LTBP1: variants seen among roughly 807,000 people sequenced by gnomAD.
LTBP1 encodes latent-transforming growth factor beta-binding protein 1.
A neutral mutation model predicts 207.6 loss-of-function variants in LTBP1; 129 were observed. That is an observed-to-expected ratio of 0.62 (90% confidence interval 0.54 to 0.72). The LOEUF (loss-of-function observed/expected upper bound fraction) is 0.72, where lower values mean the gene tolerates loss of function less well. LTBP1 is among the 30% of genes least tolerant of loss of function. The pLI, the probability that LTBP1 is intolerant of heterozygous loss-of-function variation, is 0.00. For missense variants in LTBP1, 2,281 were observed against 2,217.2 expected (o/e 1.03, Z -0.58); for synonymous variants, 963 against 833.7 (o/e 1.16, Z -2.67).
chr2:33,167,356 A>C (rs2085007686), intron 5 of LTBP1, among the ~76,000 whole-genome samples: 2 of 151,586 alleles, frequency 1.3e-5, no homozygotes, highest in African/African-American at 4.8e-5. Context: ...CCTCATTTGT[A>C]CATTCAAAAA....
intron 4 of LTBP1, among the ~76,000 whole-genome samples, chr2:33,130,082 A>G (rs2081679019): frequency 1.3e-5 from 2 of 152,332 alleles, no homozygotes; most frequent in South Asian, 4.1e-4. Flanking sequence ...TGAACAATAA[A>G]GTCCTGTTAT....
At chr2:33,048,435 A>G (rs1011485550) in intron 3 of LTBP1, among the ~76,000 whole-genome samples, 1 of 152,256 alleles carries the variant, frequency 6.6e-6, no homozygotes, top group African/African-American at 2.4e-5. Flanking sequence ...TGGTTATTAA[A>G]GTTAAATGTT....
At chr2:33,389,742 C>T (rs902010559) in intron 32 of LTBP1, among the ~76,000 whole-genome samples, 1 of 152,146 alleles carries the variant, frequency 6.6e-6, no homozygotes, top group East Asian at 1.9e-4. Flanking sequence ...CGGATTCAAG[C>T]GATTCTGCTG....
intron 24 of LTBP1, among the ~76,000 whole-genome samples, chr2:33,322,314 C>A (rs767167867): frequency 6.6e-6 from 1 of 152,150 alleles, no homozygotes; most frequent in Non-Finnish European, 1.5e-5. Context: ...TCCACTCATG[C>A]TCTGGTGCTG....
At chr2:33,332,517 A>T (rs1406616705) in intron 24 of LTBP1, among the ~76,000 whole-genome samples, 1 of 151,696 alleles carries the variant, frequency 6.6e-6, no homozygotes, top group African/African-American at 2.4e-5. Context: ...ATATTTCTTA[A>T]TAGTTTTTAG....
chr2:33,256,467 TGA>T (rs1400659587), intron 11 of LTBP1, among the ~76,000 whole-genome samples: 1 of 151,932 alleles, frequency 6.6e-6, no homozygotes, highest in Non-Finnish European at 1.5e-5. Flanking sequence ...CTCATTTCCC[TGA>T]ATAGTGATTT....
intron 3 of LTBP1, among the ~76,000 whole-genome samples, chr2:33,078,111 C>T (rs1218816585): frequency 6.6e-6 from 1 of 152,144 alleles, no homozygotes; most frequent in Non-Finnish European, 1.5e-5. Context: ...ATTTATTTGT[C>T]ACTGATGCCT....
chr2:33,329,354 AAAC>A (rs2094467645), intron 24 of LTBP1, among the ~76,000 whole-genome samples: 1 of 152,204 alleles, frequency 6.6e-6, no homozygotes, highest in African/African-American at 2.4e-5. Flanking sequence ...GAAGTGCTCA[AAAC>A]AACTATTTTA....
At chr2:32,953,851 A>G (rs1310741412) in intron 2 of LTBP1, among the ~76,000 whole-genome samples, 3 of 152,306 alleles carry the variant, frequency 2.0e-5, no homozygotes, top group Middle Eastern at 3.4e-3. Flanking sequence ...AAATTTTCCT[A>G]AAGTGCAGAT....
chr2:32,991,174 A>G (rs1684352477), intron 2 of LTBP1, among the ~76,000 whole-genome samples: 1 of 152,194 alleles, frequency 6.6e-6, no homozygotes, highest in South Asian at 2.1e-4. Flanking sequence ...AACAGAAGAT[A>G]TGATCTTATA....
At chr2:33,199,595 A>G (rs1443067087) in intron 7 of LTBP1, among the ~76,000 whole-genome samples, 1 of 152,170 alleles carries the variant, frequency 6.6e-6, no homozygotes, top group African/African-American at 2.4e-5. Context: ...CACCATTCCT[A>G]TTCAACATAG....
intron 11 of LTBP1, among the ~76,000 whole-genome samples, chr2:33,256,980 A>G (rs191221571): frequency 4.0e-5 from 6 of 150,718 alleles, no homozygotes; most frequent in South Asian, 2.1e-4. Context: ...TATGTAAATA[A>G]TATGATATAT....
intron 2 of LTBP1, among the ~76,000 whole-genome samples, chr2:33,015,514 C>T (rs1024298072): frequency 6.6e-6 from 1 of 152,048 alleles, no homozygotes; most frequent in African/African-American, 2.4e-5. Context: ...ACTTAACTGA[C>T]CTCACAGCTT....
intron 3 of LTBP1, among the ~76,000 whole-genome samples, chr2:33,103,491 TTCA>T (rs943846991): frequency 5.9e-5 from 9 of 152,194 alleles, no homozygotes; most frequent in Admixed American, 2.0e-4. Flanking sequence ...CTTTAGTCTC[TTCA>T]TCAGCAGCCT....
chr2:33,276,064 C>G, intron 18 of LTBP1, 141 bp downstream of exon 18: 1 of 1,026,922 alleles, frequency 9.7e-7, no homozygotes, highest in Non-Finnish European at 1.3e-6. Context: ...GATTCACAGG[C>G]TCTTTGCCTC....
chr2:33,070,002 C>G (rs2077708383), intron 3 of LTBP1, among the ~76,000 whole-genome samples: 2 of 152,164 alleles, frequency 1.3e-5, no homozygotes, highest in Admixed American at 1.3e-4. Flanking sequence ...TTTTAAACTT[C>G]TTACAGTGAA....
intron 5 of LTBP1, among the ~76,000 whole-genome samples, chr2:33,155,257 G>A (rs1054129290): frequency 1.3e-5 from 2 of 152,018 alleles, no homozygotes; most frequent in Admixed American, 1.3e-4. Context: ...GAAGAGATAC[G>A]GTTTCACCAT....
intron 3 of LTBP1, among the ~76,000 whole-genome samples, chr2:33,048,773 G>C (rs1166620298): frequency 6.6e-6 from 1 of 152,144 alleles, no homozygotes. Flanking sequence ...CAGATGATAG[G>C]ATATTAAATA....
intron 2 of LTBP1, among the ~76,000 whole-genome samples, chr2:33,017,208 A>G (rs968926208): frequency 2.6e-5 from 4 of 152,240 alleles, no homozygotes; most frequent in Non-Finnish European, 5.9e-5. Context: ...CTAAAATTGC[A>G]ATAAAAATGG....
Sources: gnomAD v4.1 joint callset for allele counts (sites outside exome capture counted in the v4.1 genomes callset) on GRCh38, gnomAD v4.1.1 for gene constraint, MANE v1.5 for transcripts, NCBI Gene and HGNC (gene_info 2026-07-23, HGNC 2026-07-21) for gene names.